TOP6BL: variants seen among roughly 807,000 people sequenced by gnomAD.
TOP6BL encodes type 2 DNA topoisomerase 6 subunit B-like.
At chr11:66,778,271 A>G in the TOP6BL span, among the ~76,000 whole-genome samples, 3 of 152,096 alleles carry the variant, frequency 2.0e-5, no homozygotes, top group South Asian at 4.2e-4. Flanking sequence ...GCTTGACACC[A>G]TGATGTACAA....
At chr11:66,799,370 A>AGTGGCACTCCAGGCTGGGAGACAGT in the TOP6BL span, among the ~76,000 whole-genome samples, 9 of 145,404 alleles carry the variant, frequency 6.2e-5, no homozygotes, top group Non-Finnish European at 1.1e-4. Context: ...TGGGAGACAG[A>AGTGGCACTCCAGGCTGGGAGACAGT]GTGAGACTCC....
the TOP6BL span, among the ~76,000 whole-genome samples, chr11:66,827,683 G>A: frequency 2.0e-5 from 3 of 151,988 alleles, no homozygotes; most frequent in Non-Finnish European, 2.9e-5. Flanking sequence ...TGGGAGAACA[G>A]GCCAGGCGCA....
At chr11:66,745,310 G>C in the TOP6BL span, among the ~76,000 whole-genome samples, 9 of 132,042 alleles carry the variant, frequency 6.8e-5, no homozygotes, top group South Asian at 1.0e-3. Flanking sequence ...GTTGCGGGGC[G>C]GGGTGGGGGG....
chr11:66,762,784 C>T, the TOP6BL span, among the ~76,000 whole-genome samples: 1 of 152,238 alleles, frequency 6.6e-6, no homozygotes, highest in East Asian at 1.9e-4. Context: ...CTTTCTTTAT[C>T]TTGGTCATAT....
chr11:66,809,229 T>A, the TOP6BL span, among the ~76,000 whole-genome samples: 1 of 152,172 alleles, frequency 6.6e-6, no homozygotes, highest in South Asian at 2.1e-4. Context: ...CCTAAAGAGA[T>A]GAAAAACAGA....
chr11:66,771,959 G>C, the TOP6BL span, among the ~76,000 whole-genome samples: 3 of 152,152 alleles, frequency 2.0e-5, no homozygotes, highest in Admixed American at 6.6e-5. Context: ...CATTTTATAA[G>C]ACTATAGCTG....
the TOP6BL span, among the ~76,000 whole-genome samples, chr11:66,780,087 CAACATGGCACAT>C: frequency 6.6e-6 from 1 of 151,502 alleles, no homozygotes; most frequent in African/African-American, 2.4e-5. Context: ...TGCAACACAC[CAACATGGCACAT>C]GTATACATAT....
At chr11:66,836,700 A>T in the TOP6BL span, among the ~76,000 whole-genome samples, 6 of 107,656 alleles carry the variant, frequency 5.6e-5, no homozygotes, top group East Asian at 1.8e-3. Context: ...AGAAAATATG[A>T]TTTTTTTTTT....
the TOP6BL span, among the ~76,000 whole-genome samples, chr11:66,811,364 G>A: frequency 6.6e-6 from 1 of 152,040 alleles, no homozygotes; most frequent in Non-Finnish European, 1.5e-5. Context: ...GCTAATTTTC[G>A]TATTTTTAAT....
the TOP6BL span, among the ~76,000 whole-genome samples, chr11:66,817,344 A>G: frequency 5.8e-4 from 88 of 152,194 alleles, no homozygotes; most frequent in South Asian, 0.011. Context: ...TTTGTTATCA[A>G]TCAGAAAGGT....
chr11:66,812,576 G>T, the TOP6BL span, among the ~76,000 whole-genome samples: 2 of 152,048 alleles, frequency 1.3e-5, no homozygotes, highest in African/African-American at 2.4e-5. Context: ...TTCATTTATG[G>T]GTATAAAGCC....
At chr11:66,816,037 A>G in the TOP6BL span, 1 of 1,576,746 alleles carries the variant, frequency 6.3e-7, no homozygotes, top group Non-Finnish European at 8.6e-7. Context: ...AATTCGTGTA[A>G]TATCTTGTCC....
chr11:66,830,776 T>C, the TOP6BL span, among the ~76,000 whole-genome samples: 2 of 152,194 alleles, frequency 1.3e-5, no homozygotes, highest in Non-Finnish European at 2.9e-5. Context: ...TTAGATGAAA[T>C]GGACAAATTC....
At chr11:66,757,545 G>A in the TOP6BL span, among the ~76,000 whole-genome samples, 1 of 152,106 alleles carries the variant, frequency 6.6e-6, no homozygotes, top group African/African-American at 2.4e-5. Flanking sequence ...TTCGCCACAT[G>A]TGACTATGGA....
the TOP6BL span, among the ~76,000 whole-genome samples, chr11:66,763,600 G>A: frequency 6.6e-6 from 1 of 151,792 alleles, no homozygotes; most frequent in African/African-American, 2.4e-5. Flanking sequence ...ATGAGTCACT[G>A]CACCTGTCCT....
At chr11:66,814,698 GTAAGGGAGCAATGA>G in the TOP6BL span, among the ~76,000 whole-genome samples, 1 of 152,172 alleles carries the variant, frequency 6.6e-6, no homozygotes, top group Non-Finnish European at 1.5e-5. Context: ...ACAAAGGTGA[GTAAGGGAGCAATGA>G]TACCTCTGAA....
the TOP6BL span, chr11:66,821,675 G>A: frequency 8.7e-6 from 14 of 1,611,252 alleles, no homozygotes; most frequent in African/African-American, 1.9e-4. Context: ...TCATCTCAAT[G>A]CCATCCTTGT....
the TOP6BL span, among the ~76,000 whole-genome samples, chr11:66,832,403 T>A: frequency 3.9e-5 from 6 of 152,202 alleles, no homozygotes; most frequent in Non-Finnish European, 7.3e-5. Flanking sequence ...CTATGGACAC[T>A]GTTTCTGAGA....
the TOP6BL span, among the ~76,000 whole-genome samples, chr11:66,779,076 G>A: frequency 2.0e-5 from 3 of 152,104 alleles, no homozygotes; most frequent in Non-Finnish European, 4.4e-5. Context: ...GAAAACCTAG[G>A]CAATACCATT....
Sources: gnomAD v4.1 joint callset for allele counts (sites outside exome capture counted in the v4.1 genomes callset) on GRCh38, gnomAD v4.1.1 for gene constraint, MANE v1.5 for transcripts, NCBI Gene and HGNC (gene_info 2026-07-23, HGNC 2026-07-21) for gene names.